GPC5: variants seen among roughly 807,000 people sequenced by gnomAD.
GPC5 encodes glypican-5.
GPC5 carries 47 observed loss-of-function variants against 53.9 expected under a neutral mutation model. The ratio of observed to expected loss-of-function variants is 0.87; its 90% CI spans 0.69 to 1.11. GPC5 has a LOEUF of 1.11. Ranked by LOEUF, GPC5 falls within the 50% of genes most tolerant of loss-of-function variation. The probability of loss-of-function intolerance (pLI) is 0.00; values close to 1 mark genes in which losing one functional copy is unlikely to be tolerated. For synonymous variants in GPC5, 286 were observed against 263.3 expected (o/e 1.09, Z -0.84); for missense variants, 748 against 713.1 (o/e 1.05, Z -0.56).
intron 2 of GPC5, among the ~76,000 whole-genome samples, chr13:91,560,197 A>C (rs1180861717): frequency 1.3e-5 from 2 of 152,148 alleles, no homozygotes; most frequent in African/African-American, 2.4e-5. Context: ...GAAGGAATAG[A>C]GATATGGGAG....
intron 7 of GPC5, among the ~76,000 whole-genome samples, chr13:92,322,274 G>GA (rs538544943): frequency 1.5e-5 from 2 of 130,060 alleles, no homozygotes; most frequent in Non-Finnish European, 3.2e-5. Flanking sequence ...GTGAATGGGG[G>GA]AAAAAAAAAA....
At chr13:92,059,765 C>G (rs913777330) in intron 6 of GPC5, 1 of 151,760 alleles carries the variant, frequency 6.6e-6, no homozygotes, top group African/African-American at 2.4e-5. Context: ...ATATAAAATA[C>G]GTTTTCTTAG....
chr13:92,323,921 T>C (rs1180200298), intron 7 of GPC5, among the ~76,000 whole-genome samples: 2 of 151,986 alleles, frequency 1.3e-5, no homozygotes, highest in African/African-American at 4.8e-5. Context: ...AATAATACTT[T>C]ACACAATTTG....
chr13:91,501,253 T>C (rs1884620131), intron 2 of GPC5, among the ~76,000 whole-genome samples: 1 of 151,692 alleles, frequency 6.6e-6, no homozygotes, highest in African/African-American at 2.4e-5. Flanking sequence ...TTTTTTTTTT[T>C]TTTTTTTGTA....
chr13:92,260,548 T>A (rs528288545), intron 7 of GPC5, among the ~76,000 whole-genome samples: 116 of 152,226 alleles, frequency 7.6e-4, no homozygotes, highest in Non-Finnish European at 1.5e-3. Context: ...TTGCCTTACA[T>A]CCTGTTTTCA....
intron 7 of GPC5, among the ~76,000 whole-genome samples, chr13:92,494,100 G>GT (rs56882247): frequency 8.9e-6 from 1 of 112,682 alleles, no homozygotes; most frequent in African/African-American, 3.0e-5. Flanking sequence ...GTTTTGTTTT[G>GT]TTTTTTTGAG....
chr13:91,504,825 G>A (rs1367914208), intron 2 of GPC5, among the ~76,000 whole-genome samples: 2 of 152,018 alleles, frequency 1.3e-5, no homozygotes, highest in African/African-American at 4.8e-5. Context: ...ATGGTGGCAT[G>A]CACCTGTAGT....
intron 1 of GPC5, among the ~76,000 whole-genome samples, chr13:91,403,205 A>G (rs1040796627): frequency 2.6e-5 from 4 of 152,238 alleles, no homozygotes; most frequent in African/African-American, 9.6e-5. Flanking sequence ...GATGATTAAC[A>G]TCAGGATTGC....
At chr13:92,710,597 A>G (rs1173019711) in intron 7 of GPC5, among the ~76,000 whole-genome samples, 1 of 152,184 alleles carries the variant, frequency 6.6e-6, no homozygotes, top group Non-Finnish European at 1.5e-5. Flanking sequence ...GCAATTAGGG[A>G]AGGATCTTCA....
intron 7 of GPC5, among the ~76,000 whole-genome samples, chr13:92,347,995 A>C (rs1239717779): frequency 2.2e-5 from 2 of 91,994 alleles, no homozygotes; most frequent in African/African-American, 7.8e-5. Flanking sequence ...AAAATTGGAA[A>C]GGTCAAAGCA....
rs564157499 is a variant in GPC5, at chr13:92,520,995, G to A, written c.1562-345287G>A. Among the ~76,000 whole-genome samples the A allele has an allele frequency of 2.0e-5, 3 of 152,126 alleles. No individual in the cohort carries two copies. The East Asian group carries it at 5.8e-4, about 29-fold the overall frequency. On this transcript the variant is annotated intron_variant, in intron 7 of 7. Coordinates refer to ENST00000377067, the MANE Select transcript of GPC5 (RefSeq NM_004466.6). ...TTCTTATACACCAATAACAAACAGA[G>A]AGCCAAATCATGAGTGAACTCCCAT...
intron 2 of GPC5, among the ~76,000 whole-genome samples, chr13:91,498,626 T>C (rs1182641485): frequency 6.6e-6 from 1 of 152,062 alleles, no homozygotes; most frequent in Non-Finnish European, 1.5e-5. Flanking sequence ...ATATCCATAT[T>C]TGTGTTTTTA....
chr13:91,673,508 G>A (rs2035299445), intron 2 of GPC5, among the ~76,000 whole-genome samples: 2 of 151,966 alleles, frequency 1.3e-5, no homozygotes, highest in African/African-American at 4.8e-5. Flanking sequence ...CAGCTCAGAG[G>A]AAACAAGAGC....
intron 1 of GPC5, among the ~76,000 whole-genome samples, chr13:91,414,917 C>A (rs1878080555): frequency 6.6e-6 from 1 of 152,198 alleles, no homozygotes; most frequent in Non-Finnish European, 1.5e-5. Flanking sequence ...GGGTTTGATA[C>A]ACATCTTAAG....
At chr13:92,680,264 A>G (rs1340957895) in intron 7 of GPC5, among the ~76,000 whole-genome samples, 2 of 152,208 alleles carry the variant, frequency 1.3e-5, no homozygotes, top group African/African-American at 4.8e-5. Flanking sequence ...TCCTTTGGCC[A>G]CTTAATTTTC....
intron 7 of GPC5, among the ~76,000 whole-genome samples, chr13:92,776,719 G>A (rs550404430): frequency 6.6e-6 from 1 of 152,248 alleles, no homozygotes; most frequent in South Asian, 2.1e-4. Context: ...CACCCTATCA[G>A]ATATAGTCCA....
At chr13:91,597,983 G>A (rs2033054047) in intron 2 of GPC5, among the ~76,000 whole-genome samples, 1 of 151,888 alleles carries the variant, frequency 6.6e-6, no homozygotes, top group Non-Finnish European at 1.5e-5. Context: ...GTTTCACCCA[G>A]AACACTTTGT....
At chr13:91,854,259 T>C (rs577989719) in intron 5 of GPC5, among the ~76,000 whole-genome samples, 2 of 151,966 alleles carry the variant, frequency 1.3e-5, no homozygotes, top group African/African-American at 4.8e-5. Flanking sequence ...TTTTCAGTTT[T>C]TGTGGGTACA....
chr13:91,859,082 CT>C (rs2038998554), intron 5 of GPC5, among the ~76,000 whole-genome samples: 1 of 139,232 alleles, frequency 7.2e-6, no homozygotes, highest in Non-Finnish European at 1.6e-5. Flanking sequence ...TTTGGTTTAT[CT>C]TTTTAAAAAA....
Sources: gnomAD v4.1 joint callset for allele counts (sites outside exome capture counted in the v4.1 genomes callset) on GRCh38, gnomAD v4.1.1 for gene constraint, MANE v1.5 for transcripts, NCBI Gene and HGNC (gene_info 2026-07-23, HGNC 2026-07-21) for gene names.